The following RBFOX1 variants were observed in gnomAD, a reference collection of about 807,000 sequenced individuals.
RBFOX1 encodes the protein RNA binding protein fox-1 homolog 1.
In RBFOX1, 8 loss-of-function variants were observed where a neutral mutation model predicts 57.7. The observed-to-expected ratio is 0.14, with a 90% confidence interval of 0.08 to 0.25. The LOEUF is 0.25. Among genes scored for constraint, RBFOX1 ranks in the 10% least tolerant of loss-of-function variants. The pLI, the probability that RBFOX1 is intolerant of heterozygous loss-of-function variation, is 1.00. For synonymous variants in RBFOX1, 326 were observed against 222.4 expected (o/e 1.47, Z -4.15); for missense variants, 611 against 548.5 (o/e 1.11, Z -1.14).
intron 3 of RBFOX1, among the ~76,000 whole-genome samples, chr16:6,840,732 CA>C (rs1157667551): frequency 6.6e-6 from 1 of 151,620 alleles, no homozygotes; most frequent in Non-Finnish European, 1.5e-5. Flanking sequence ...ACTACAAATA[CA>C]AAAATTAGAT....
At chr16:6,461,913 A>G (rs1247439670) in intron 2 of RBFOX1, among the ~76,000 whole-genome samples, 1 of 152,192 alleles carries the variant, frequency 6.6e-6, no homozygotes, top group Non-Finnish European at 1.5e-5. Flanking sequence ...AACAGCCTGT[A>G]TTAGCTTTTG....
intron 3 of RBFOX1, among the ~76,000 whole-genome samples, chr16:6,716,430 A>C (rs1265910793): frequency 6.6e-6 from 1 of 151,486 alleles, no homozygotes; most frequent in African/African-American, 2.4e-5. Context: ...TTTTTTCTTC[A>C]TTTGTTGTTT....
chr16:7,442,052 C>T (rs757358052), intron 4 of RBFOX1, among the ~76,000 whole-genome samples: 5 of 152,204 alleles, frequency 3.3e-5, no homozygotes, highest in Non-Finnish European at 7.4e-5. Flanking sequence ...GATCCTGGCA[C>T]ATAGCAGAAA....
At chr16:7,561,154 C>G (rs1507030) in intron 5 of RBFOX1, among the ~76,000 whole-genome samples, 93,108 of 152,056 alleles carry the variant, frequency 0.61, 28,657 homozygotes, top group Admixed American at 0.65. Context: ...CCTCTAAGAA[C>G]CAACATGGGA....
intron 2 of RBFOX1, among the ~76,000 whole-genome samples, chr16:6,457,847 TAA>T (rs1346853695): frequency 2.6e-5 from 4 of 152,130 alleles, no homozygotes; most frequent in Non-Finnish European, 5.9e-5. Flanking sequence ...CGCCTTGGAA[TAA>T]AAAGTGGCTA....
At chr16:6,505,314 C>G (rs923521871) in intron 2 of RBFOX1, among the ~76,000 whole-genome samples, 1 of 152,054 alleles carries the variant, frequency 6.6e-6, no homozygotes, top group African/African-American at 2.4e-5. Flanking sequence ...ATTCATCACT[C>G]AATTGAGCTT....
intron 4 of RBFOX1, among the ~76,000 whole-genome samples, chr16:7,315,459 C>CG (rs935253870): frequency 6.8e-6 from 1 of 147,580 alleles, no homozygotes; most frequent in African/African-American, 2.6e-5. Context: ...CTACCCTACC[C>CG]CCCCCCCCAT....
At chr16:5,347,049 C>G (rs1221068049) in intron 1 of RBFOX1, among the ~76,000 whole-genome samples, 1 of 152,028 alleles carries the variant, frequency 6.6e-6, no homozygotes, top group African/African-American at 2.4e-5. Context: ...TTATCCAGGC[C>G]TTTCCTCAAG....
chr16:6,420,981 T>G (rs1269834044), intron 2 of RBFOX1, among the ~76,000 whole-genome samples: 1 of 152,218 alleles, frequency 6.6e-6, no homozygotes, highest in Non-Finnish European at 1.5e-5. Flanking sequence ...GGCCCCTTGT[T>G]GCAGCGTGAA....
At chr16:6,661,058 A>AC (rs1489358408) in intron 3 of RBFOX1, among the ~76,000 whole-genome samples, 2 of 152,200 alleles carry the variant, frequency 1.3e-5, no homozygotes, top group African/African-American at 4.8e-5. Flanking sequence ...GGAAGGTGAT[A>AC]CCTTCATATC....
At chr16:6,891,681 T>G (rs554856851) in intron 3 of RBFOX1, among the ~76,000 whole-genome samples, 26 of 152,340 alleles carry the variant, frequency 1.7e-4, no homozygotes, top group Middle Eastern at 3.4e-3. Flanking sequence ...TGTAATGTTT[T>G]CCTTGAACAT....
intron 3 of RBFOX1, among the ~76,000 whole-genome samples, chr16:6,753,871 T>C (rs1205037725): frequency 6.6e-6 from 1 of 152,162 alleles, no homozygotes. Flanking sequence ...ATGGTTGATG[T>C]GCTCTCGGTC....
chr16:7,438,271 T>C (rs1341661754), intron 4 of RBFOX1, among the ~76,000 whole-genome samples: 1 of 152,098 alleles, frequency 6.6e-6, no homozygotes, highest in Admixed American at 6.5e-5. Flanking sequence ...AAACACCTTA[T>C]GTTTGCCAGG....
intron 14 of RBFOX1, among the ~76,000 whole-genome samples, chr16:7,703,408 A>T (rs1419781297): frequency 6.6e-6 from 1 of 152,176 alleles, no homozygotes; most frequent in African/African-American, 2.4e-5. Flanking sequence ...AGAGCTGAGC[A>T]GATTTCACTC....
chr16:7,580,109 T>C (rs1196435069), intron 6 of RBFOX1, among the ~76,000 whole-genome samples, 189 bp downstream of exon 6: 4 of 152,178 alleles, frequency 2.6e-5, no homozygotes, highest in Admixed American at 2.6e-4. Flanking sequence ...TTTCTGTACA[T>C]ATGCTCACCA....
intron 2 of RBFOX1, among the ~76,000 whole-genome samples, chr16:6,341,403 T>C (rs1488851828): frequency 6.6e-6 from 1 of 152,100 alleles, no homozygotes; most frequent in East Asian, 1.9e-4. Flanking sequence ...AGGTTGAGAC[T>C]TCCTGGGCGG....
At chr16:5,482,038 C>G (rs898964836) in intron 2 of RBFOX1, among the ~76,000 whole-genome samples, 1 of 152,204 alleles carries the variant, frequency 6.6e-6, no homozygotes, top group Non-Finnish European at 1.5e-5. Context: ...CCATAACAGC[C>G]TCTTCTTAGG....
intron 3 of RBFOX1, among the ~76,000 whole-genome samples, chr16:6,842,118 G>C (rs946713824): frequency 1.9e-4 from 29 of 151,472 alleles, no homozygotes; most frequent in Admixed American, 6.6e-4. Flanking sequence ...ACTCCAGCCT[G>C]GGTGACAGAG....
At chr16:7,519,631 C>T (rs1446505589) in intron 5 of RBFOX1, 1 of 902,284 alleles carries the variant, frequency 1.1e-6, no homozygotes, top group South Asian at 5.1e-5. Context: ...CTGTATGGAA[C>T]ATGCATTTGG....
Sources: gnomAD v4.1 joint callset for allele counts (sites outside exome capture counted in the v4.1 genomes callset) on GRCh38, gnomAD v4.1.1 for gene constraint, MANE v1.5 for transcripts, NCBI Gene and HGNC (gene_info 2026-07-23, HGNC 2026-07-21) for gene names.